PARPBP: variants seen among roughly 807,000 people sequenced by gnomAD.
PARPBP encodes PCNA-interacting partner.
A neutral mutation model predicts 50.0 loss-of-function variants in PARPBP; 52 were observed. The ratio of observed to expected loss-of-function variants is 1.04; its 90% confidence interval spans 0.83 to 1.31. The LOEUF (loss-of-function observed/expected upper bound fraction) is 1.31. PARPBP is among the 50% of genes most tolerant of loss of function. The pLI is 0.00. For synonymous variants in PARPBP, 244 were observed against 232.1 expected, an observed-to-expected ratio of 1.05 and a Z score of -0.47; for missense variants, 697 against 672.0, an observed-to-expected ratio of 1.04 and a Z score of -0.41.
chr12:102,142,707 A>G (rs1884799287), intron 2 of PARPBP, among the ~76,000 whole-genome samples: 2 of 152,126 alleles, frequency 1.3e-5, no homozygotes. Flanking sequence ...TTTTCCTTCT[A>G]ACAGTCAGGA....
rs1891229519 is a variant in PARPBP, at chr12:102,195,590, A to T, written c.1399+143A>T. On this transcript the variant is annotated intron_variant, in intron 10 of 10. Transcript: ENST00000327680. ...TTTTAAAGACCTCAGTTTATTTAAA[A>T]AGTTAAATCTAAGTACAAATTTATC... 4 of 630,830 alleles carry T rather than the reference A, an allele frequency of 6.3e-6. No individual in the cohort carries two copies. In the South Asian group the frequency reaches 8.2e-5, roughly 13 times the overall value. The allele number at this position is 630,830 out of a possible 1,614,324, so 39.1% of individuals were successfully genotyped here.
Position 102,120,305 on chromosome 12 carries a change from C to T in PARPBP, c.-4+19C>T. ...TAATCACGTAAGTCTCGCGTCTGCCCTACCTGCCCTGTCGCATTTTTAAGT... is the reference window on the plus strand; with the variant it reads ...TAATCACGTAAGTCTCGCGTCTGCCTTACCTGCCCTGTCGCATTTTTAAGT... On this transcript the variant is annotated intron_variant, in intron 1 of 10. Transcript: ENST00000327680. The T allele has an allele frequency of 2.7e-6, 1 of 364,950 alleles. No individual in the cohort carries two copies. The highest frequency in any genetic ancestry group is 7.8e-5 in the East Asian group (1 of 12,836). 22.6% of individuals were successfully genotyped at this position (364,950 alleles called of 1,614,324 possible).
At position 102,197,000 on chromosome 12, in the gene PARPBP, A is replaced by C; in HGVS notation, c.*709A>C. 6.2e-7 allele frequency: 1 copy of C among 1,611,716 alleles called. No individual in the cohort carries two copies. The highest frequency in any genetic ancestry group is 8.5e-7 in the Non-Finnish European group (1 of 1,178,430). On this transcript the variant is annotated 3_prime_UTR_variant, in exon 11 of 11. Transcript: ENST00000327680. The stretch of plus-strand genomic sequence containing the variant: ...TCAAAATCTCTCCTTCCTATAGGAA[A>C]TTTAGCTGAGTTTTCTTCATCCCCA...
intron 9 of PARPBP, among the ~76,000 whole-genome samples, chr12:102,194,060 C>T (rs1017484757): frequency 6.6e-6 from 1 of 151,902 alleles, no homozygotes; most frequent in African/African-American, 2.4e-5. Flanking sequence ...GAAAATTTGT[C>T]ATCCTAGGAA....
At chr12:102,164,147 G>T (rs1004788287) in intron 4 of PARPBP, among the ~76,000 whole-genome samples, 4 of 152,122 alleles carry the variant, frequency 2.6e-5, no homozygotes, top group African/African-American at 9.7e-5. Flanking sequence ...TCCATTCTAT[G>T]TTGGTATACA....
At chr12:102,179,460 C>T (rs1425664168) in intron 8 of PARPBP, among the ~76,000 whole-genome samples, 1 of 152,200 alleles carries the variant, frequency 6.6e-6, no homozygotes, top group African/African-American at 2.4e-5. Context: ...TCTCTTTGGG[C>T]TGGAAGCTGG....
intron 2 of PARPBP, among the ~76,000 whole-genome samples, chr12:102,133,743 CA>C (rs1883202938): frequency 6.6e-6 from 1 of 151,946 alleles, no homozygotes; most frequent in South Asian, 2.1e-4. Context: ...TGTTAGCCCA[CA>C]AAACAAGTCT....
rs1184769957 is a variant in PARPBP at position 102,196,992 on chromosome 12, T to C, written c.*701T>C. On this transcript the variant is annotated 3_prime_UTR_variant, in exon 11 of 11. Transcript: ENST00000327680. ...ACTCACTGTCAAAATCTCTCCTTCC[T>C]ATAGGAAATTTAGCTGAGTTTTCTT... 1.9e-5 allele frequency: 30 copies of C among 1,611,352 alleles called. No individual in the cohort carries two copies. The highest frequency in any genetic ancestry group is 2.3e-5 in the Non-Finnish European group (27 of 1,178,220).
At chr12:102,178,395 C>G (rs1889493734) in intron 7 of PARPBP, among the ~76,000 whole-genome samples, 197 bp from the exon 8 acceptor site, 1 of 152,104 alleles carries the variant, frequency 6.6e-6, no homozygotes, top group Non-Finnish European at 1.5e-5. Context: ...TATTTTTGTG[C>G]TTTTGGAATT....
At chr12:102,177,020 T>A (rs1889355638) in intron 7 of PARPBP, among the ~76,000 whole-genome samples, 1 of 152,240 alleles carries the variant, frequency 6.6e-6, no homozygotes, top group South Asian at 2.1e-4. Flanking sequence ...AATCTGGTTC[T>A]TAATTTCATG....
intron 4 of PARPBP, among the ~76,000 whole-genome samples, chr12:102,162,704 C>T (rs1382681992): frequency 1.3e-5 from 2 of 152,018 alleles, no homozygotes; most frequent in African/African-American, 2.4e-5. Flanking sequence ...TGCCTGTAAT[C>T]CTAGCTACCG....
intron 3 of PARPBP, among the ~76,000 whole-genome samples, chr12:102,149,288 T>C (rs1380435206): frequency 6.6e-6 from 1 of 152,216 alleles, no homozygotes; most frequent in Admixed American, 6.5e-5. Context: ...ACAATAGTTA[T>C]TGAGAGAAAA....
chr12:102,147,679 A>T (rs992368604), intron 2 of PARPBP, among the ~76,000 whole-genome samples: 14 of 152,098 alleles, frequency 9.2e-5, no homozygotes, highest in Non-Finnish European at 1.5e-4. Context: ...ACTAACCTGC[A>T]CATTGTGCAC....
At chr12:102,178,794 T>G in intron 8 of PARPBP, 24 bp downstream of exon 8, 1 of 1,416,960 alleles carries the variant, frequency 7.1e-7, no homozygotes, top group South Asian at 1.4e-5. Context: ...AAGTTATATG[T>G]GTTATAAATG....
chr12:102,189,413 C>G (rs1272873519), intron 9 of PARPBP, among the ~76,000 whole-genome samples: 1 of 152,202 alleles, frequency 6.6e-6, no homozygotes, highest in African/African-American at 2.4e-5. Context: ...TACTGAAGGT[C>G]CTAGTCACAT....
intron 2 of PARPBP, among the ~76,000 whole-genome samples, chr12:102,139,605 T>C (rs1302660620): frequency 6.6e-6 from 1 of 152,214 alleles, no homozygotes. Flanking sequence ...TTCAGTATGA[T>C]ATTGGCTGTG....
chr12:102,161,644 G>A (rs1043508373), intron 4 of PARPBP, among the ~76,000 whole-genome samples: 3 of 152,122 alleles, frequency 2.0e-5, no homozygotes, highest in Non-Finnish European at 4.4e-5. Context: ...AAAGTGGCTA[G>A]GCATGGTGGC....
chr12:102,163,230 T>C (rs1326969835), intron 4 of PARPBP, among the ~76,000 whole-genome samples: 2 of 152,270 alleles, frequency 1.3e-5, no homozygotes, highest in Non-Finnish European at 2.9e-5. Context: ...TAAATACTAC[T>C]CTATCTTAAT....
At position 102,165,438 on chromosome 12, in the gene PARPBP, T is replaced by C. The variant is rs1888042070; in HGVS notation, c.667-291T>C. Among the ~76,000 whole-genome samples, 5 of 152,118 alleles carry C rather than the reference T, an allele frequency of 3.3e-5. No homozygotes were observed. In the South Asian group the frequency reaches 1.0e-3, roughly 31 times the overall value. ...ATATTCATAAATGAGTTCTTTAGAG[T>C]CAATAATACATTCTAATTAATATAC... On this transcript the variant is annotated intron_variant, in intron 5 of 10. Transcript: ENST00000327680.
Sources: allele counts gnomAD v4.1 joint callset (sites outside exome capture counted in the v4.1 genomes callset), GRCh38; gene constraint gnomAD v4.1.1; transcripts MANE v1.5; gene names NCBI Gene and HGNC (gene_info 2026-07-23, HGNC 2026-07-21).